Variants in DLGAP4 observed in about 807,000 individuals in gnomAD.
DLGAP4 encodes the protein DLG associated protein 4.
In DLGAP4, 18 loss-of-function variants were observed where a neutral mutation model predicts 86.9. The ratio of observed to expected loss-of-function variants is 0.21; its 90% CI spans 0.14 to 0.31. The LOEUF (loss-of-function observed/expected upper bound fraction) is 0.31. Among genes scored for constraint, DLGAP4 ranks in the 10% least tolerant of loss-of-function variants. The probability of loss-of-function intolerance (pLI) is 1.00; values close to 1 mark genes in which losing one functional copy is unlikely to be tolerated. For missense variants in DLGAP4, 1,085 were observed against 1,362.6 expected, an observed-to-expected ratio of 0.80 and a Z score of 3.21; for synonymous variants, 548 against 574.3, an observed-to-expected ratio of 0.95 and a Z score of 0.65.
intron 7 of DLGAP4, among the ~76,000 whole-genome samples, chr20:36,453,478 T>C (rs2033794352): frequency 6.6e-6 from 1 of 152,042 alleles, no homozygotes; most frequent in Admixed American, 6.6e-5. Flanking sequence ...AGTGAGAACC[T>C]GTCTCTACAA....
At chr20:36,473,658 C>G (rs754900264) in intron 7 of DLGAP4, among the ~76,000 whole-genome samples, 10 of 152,160 alleles carry the variant, frequency 6.6e-5, no homozygotes, top group Non-Finnish European at 1.0e-4. Flanking sequence ...CTATGCTACC[C>G]ACGTTGGTCT....
In DLGAP4 at chr20:36,419,984, A is replaced by C. The variant is rs1381448947; in HGVS notation, c.-72-11662A>C. ...TGGTGGATGCAATATTCCCAGCAGGAGGAGTTGTAGTGAGGATTAAATGAG... is the reference window on the plus strand; with the variant it reads ...TGGTGGATGCAATATTCCCAGCAGGCGGAGTTGTAGTGAGGATTAAATGAG... On this transcript the variant is annotated intron_variant, in intron 2 of 12. Transcript: ENST00000339266. Among the ~76,000 whole-genome samples the C allele has an allele frequency of 2.0e-5, 3 of 147,480 alleles. No individual in the cohort carries two copies. The Admixed American group carries it at 2.1e-4, about 10-fold the overall frequency.
At chr20:36,422,960 G>C (rs561951468) in intron 2 of DLGAP4, among the ~76,000 whole-genome samples, 15 of 152,158 alleles carry the variant, frequency 9.9e-5, no homozygotes, top group Admixed American at 2.0e-4. Flanking sequence ...CCTAAGGTGA[G>C]GATCCTGCCA....
At position 36,427,016 on chromosome 20, in the gene DLGAP4, CA is replaced by C. The variant is rs746938748; in HGVS notation, c.-72-4616del. ...AACATAATGAGACTCCTGTCTGTAC[CA>C]AAAAAAAAAAAAATGTTTTTTCTAA... On this transcript the variant is annotated intron_variant, in intron 2 of 12. Transcript: ENST00000339266. Among the ~76,000 whole-genome samples the C allele has an allele frequency of 8.0e-3, 1,074 of 133,532 alleles. 3 individuals carry two copies. Among genetic ancestry groups the C allele is most frequent in the African/African-American group, 0.015 (556 of 36,418 alleles). The allele number at this position is 133,532 out of a possible 152,430, so 87.6% of individuals were successfully genotyped here.
At chr20:36,475,867 T>G (rs376162926) in intron 7 of DLGAP4, among the ~76,000 whole-genome samples, 147 of 152,168 alleles carry the variant, frequency 9.7e-4, no homozygotes, top group African/African-American at 3.5e-3. Flanking sequence ...AACCTTTTTT[T>G]TGTTTGTTTT....
intron 1 of DLGAP4, among the ~76,000 whole-genome samples, chr20:36,312,868 C>T (rs949586738): frequency 4.6e-5 from 7 of 152,126 alleles, no homozygotes; most frequent in Non-Finnish European, 2.9e-5. Flanking sequence ...GCTGCCAGGA[C>T]ATGGGTGCTG....
chr20:36,423,116 AG>A (rs1446526066), intron 2 of DLGAP4, among the ~76,000 whole-genome samples: 1 of 152,146 alleles, frequency 6.6e-6, no homozygotes, highest in African/African-American at 2.4e-5. Context: ...GAGGCACAGA[AG>A]GGGGAAAGGA....
chr20:36,502,717 C>T (rs2036197148), intron 10 of DLGAP4, among the ~76,000 whole-genome samples: 1 of 151,900 alleles, frequency 6.6e-6, no homozygotes, highest in African/African-American at 2.4e-5. Flanking sequence ...TTAAAGGCAC[C>T]ATCATTTTTT....
rs770369130 is a variant in DLGAP4 at position 36,449,677 on chromosome 20, T to C, written c.1648+2740T>C. On this transcript the variant is annotated intron_variant, in intron 7 of 12. Transcript: ENST00000339266. ...TAAGCATGAAGTGGGCCTGGAGGGATAGACAGCACCCCTAGCAATTCTCTT... is the reference window on the plus strand; with the variant it reads ...TAAGCATGAAGTGGGCCTGGAGGGACAGACAGCACCCCTAGCAATTCTCTT... 1.6e-4 allele frequency among the ~76,000 whole-genome samples: 24 copies of C among 152,286 alleles called. 1 individual carries two copies. Among genetic ancestry groups the C allele is most frequent in the Admixed American group, 1.2e-3 (19 of 15,298 alleles).
intron 4 of DLGAP4, among the ~76,000 whole-genome samples, chr20:36,437,836 C>G (rs552544210): frequency 6.6e-6 from 1 of 152,288 alleles, no homozygotes; most frequent in South Asian, 2.1e-4. Context: ...AGAGAATGGC[C>G]TCCAGGTTGG....
intron 7 of DLGAP4, among the ~76,000 whole-genome samples, chr20:36,458,265 C>T (rs1392432801): frequency 1.3e-5 from 2 of 149,154 alleles, no homozygotes; most frequent in African/African-American, 4.9e-5. Flanking sequence ...AATCCCAGCA[C>T]TTTGGTAGGC....
At position 36,359,815 on chromosome 20, in the gene DLGAP4, CCAAGCTTCT is replaced by C. The variant is rs2030456470; in HGVS notation, c.-303-7226_-303-7218del. On this transcript the variant is annotated intron_variant, in intron 1 of 12. Coordinates refer to ENST00000339266, the MANE Select transcript of DLGAP4 (RefSeq NM_001365621.2). ...GGCCCTTGCAGCTTGGAGCCACTGC[CCAAGCTTCT>C]CAAAATGAGGCAAGGCATGCTGGGA... Among the ~76,000 whole-genome samples the C allele has an allele frequency of 3.9e-5, 6 of 152,246 alleles. No individual in the cohort carries two copies. The South Asian group carries it at 1.2e-3, about 32-fold the overall frequency.
intron 2 of DLGAP4, among the ~76,000 whole-genome samples, chr20:36,426,123 G>A (rs938645972): frequency 6.6e-6 from 1 of 152,192 alleles, no homozygotes; most frequent in Admixed American, 6.5e-5. Context: ...ATTATGCTAC[G>A]TGAAATAGGT....
At chr20:36,448,210 C>T (rs147325733) in intron 7 of DLGAP4, among the ~76,000 whole-genome samples, 12 of 152,000 alleles carry the variant, frequency 7.9e-5, no homozygotes, top group East Asian at 5.8e-4. Flanking sequence ...ATTCGCTGGT[C>T]GGGTTGGCAT....
In DLGAP4 at chr20:36,436,354, G is replaced by A. The variant is rs760646086; in HGVS notation, c.1241+4G>A. ...GAGAGCAGAGCAACCCCCGCAGGTA[G>A]GCGCGCAGCTCCACCCTTACGGTCC... is the stretch of plus-strand genomic sequence containing the variant. On this transcript the variant is annotated splice_donor_region_variant and intron_variant, in intron 4 of 12. Coordinates refer to ENST00000339266, the MANE Select transcript of DLGAP4 (RefSeq NM_001365621.2). 8 of 1,589,812 alleles carry A rather than the reference G, an allele frequency of 5.0e-6. No homozygotes were observed. The highest frequency in any genetic ancestry group is 4.5e-5 in the South Asian group (4 of 89,358).
intron 10 of DLGAP4, among the ~76,000 whole-genome samples, chr20:36,523,039 TTA>T (rs57264837): frequency 0.06 from 9,055 of 152,178 alleles, 952 homozygotes; most frequent in African/African-American, 0.21. Flanking sequence ...AGATGGACTT[TTA>T]TACCCCGTGG....
chr20:36,495,317 C>G (rs957604476), intron 7 of DLGAP4, among the ~76,000 whole-genome samples: 1 of 152,100 alleles, frequency 6.6e-6, no homozygotes, highest in Non-Finnish European at 1.5e-5. Flanking sequence ...TTCTACAGTC[C>G]TTTGTCCACA....
intron 1 of DLGAP4, among the ~76,000 whole-genome samples, chr20:36,319,713 C>A (rs2065146866): frequency 6.6e-6 from 1 of 152,150 alleles, no homozygotes; most frequent in African/African-American, 2.4e-5. Flanking sequence ...AGTCCAGTGC[C>A]TTTCTTGCTG....
chr20:36,402,650 A>G (rs1031729899), intron 2 of DLGAP4, among the ~76,000 whole-genome samples: 1 of 152,172 alleles, frequency 6.6e-6, no homozygotes, highest in Non-Finnish European at 1.5e-5. Context: ...TGGGAGGCTG[A>G]GGCAGGAGGA....
Sources: gnomAD v4.1 joint callset for allele counts (sites outside exome capture counted in the v4.1 genomes callset) on GRCh38, gnomAD v4.1.1 for gene constraint, MANE v1.5 for transcripts, NCBI Gene and HGNC (gene_info 2026-07-23, HGNC 2026-07-21) for gene names.